PHACTR1: variants seen among roughly 807,000 people sequenced by gnomAD.
PHACTR1 encodes phosphatase and actin regulator 1, also known as RPEL repeat containing 1.
Under a neutral mutation model 69.2 loss-of-function variants are expected in PHACTR1, and 16 were observed. The ratio of observed to expected loss-of-function variants is 0.23; its 90% CI spans 0.16 to 0.35. The LOEUF (loss-of-function observed/expected upper bound fraction) is 0.35. Among genes scored for constraint, PHACTR1 ranks in the 10% least tolerant of loss-of-function variants. The pLI is 1.00. For missense variants in PHACTR1, 510 were observed against 734.7 expected (o/e 0.69, Z 3.54); for synonymous variants, 312 against 284.5 (o/e 1.10, Z -0.97).
chr6:12,960,069 G>A (rs532394606), intron 4 of PHACTR1, among the ~76,000 whole-genome samples: 3 of 152,056 alleles, frequency 2.0e-5, no homozygotes, highest in Non-Finnish European at 4.4e-5. Flanking sequence ...TTTTTAGTTC[G>A]GTTGACTGAG....
intron 7 of PHACTR1, among the ~76,000 whole-genome samples, chr6:13,193,710 T>C (rs1351061519): frequency 6.6e-6 from 1 of 152,008 alleles, no homozygotes; most frequent in Non-Finnish European, 1.5e-5. Flanking sequence ...TTATATGATC[T>C]CAATTTACTT....
chr6:12,802,594 C>A (rs929778803), intron 4 of PHACTR1, among the ~76,000 whole-genome samples: 1 of 152,054 alleles, frequency 6.6e-6, no homozygotes, highest in Non-Finnish European at 1.5e-5. Context: ...TAGGATGTAC[C>A]ATTATTTTCT....
At chr6:13,049,110 A>G (rs551186842) in intron 4 of PHACTR1, among the ~76,000 whole-genome samples, 4 of 152,298 alleles carry the variant, frequency 2.6e-5, no homozygotes, top group African/African-American at 7.2e-5. Flanking sequence ...CCTTTATAAT[A>G]CCCTGTGTTC....
intron 4 of PHACTR1, among the ~76,000 whole-genome samples, chr6:12,945,291 A>G (rs1790555185): frequency 6.6e-6 from 1 of 152,034 alleles, no homozygotes; most frequent in Non-Finnish European, 1.5e-5. Flanking sequence ...CGCTGCCACA[A>G]CTGTCTCTGT....
At chr6:13,237,330 T>G (rs1772145632) in intron 10 of PHACTR1, among the ~76,000 whole-genome samples, 3 of 152,114 alleles carry the variant, frequency 2.0e-5, no homozygotes, top group Non-Finnish European at 4.4e-5. Context: ...TGAGCTATAA[T>G]TGTGCCACTG....
intron 4 of PHACTR1, among the ~76,000 whole-genome samples, chr6:12,916,772 A>G (rs1465411933): frequency 6.6e-6 from 1 of 152,228 alleles, no homozygotes; most frequent in Non-Finnish European, 1.5e-5. Context: ...ATCTTCCAAT[A>G]TGTGCACCCT....
At chr6:12,800,893 G>C (rs1301019077) in intron 4 of PHACTR1, among the ~76,000 whole-genome samples, 1 of 119,544 alleles carries the variant, frequency 8.4e-6, no homozygotes, top group Admixed American at 7.9e-5. Context: ...TGTCTCAAAA[G>C]AAAAAGAAAA....
intron 4 of PHACTR1, among the ~76,000 whole-genome samples, chr6:13,016,904 C>G (rs1055459195): frequency 6.6e-6 from 1 of 152,108 alleles, no homozygotes. Context: ...AACCAAGATG[C>G]GGCTGGGCGC....
At chr6:13,099,251 C>T (rs943122853) in intron 5 of PHACTR1, among the ~76,000 whole-genome samples, 5 of 152,232 alleles carry the variant, frequency 3.3e-5, no homozygotes, top group African/African-American at 1.2e-4. Context: ...TAGTTTCCCT[C>T]GAACTTTTCT....
chr6:12,934,790 C>A (rs1436415987), intron 4 of PHACTR1, among the ~76,000 whole-genome samples: 7 of 151,658 alleles, frequency 4.6e-5, no homozygotes, highest in African/African-American at 1.7e-4. Flanking sequence ...GAGCCAAGAT[C>A]ATGCCACTAC....
At chr6:12,747,028 T>C (rs1351187191) in intron 3 of PHACTR1, among the ~76,000 whole-genome samples, 1 of 152,226 alleles carries the variant, frequency 6.6e-6, no homozygotes, top group Non-Finnish European at 1.5e-5. Flanking sequence ...TTTAAAAGTA[T>C]TAACTTTCAT....
intron 10 of PHACTR1, among the ~76,000 whole-genome samples, chr6:13,271,652 C>A (rs969190596): frequency 6.6e-6 from 1 of 151,816 alleles, no homozygotes; most frequent in Non-Finnish European, 1.5e-5. Flanking sequence ...ATATCTAATA[C>A]AAGATAAATG....
chr6:13,053,729 T>C (rs191611072), intron 5 of PHACTR1, among the ~76,000 whole-genome samples, 200 bp downstream of exon 5: 22 of 152,338 alleles, frequency 1.4e-4, no homozygotes, highest in Non-Finnish European at 3.1e-4. Context: ...TATCTCATGA[T>C]TTTTTGTTTG....
intron 4 of PHACTR1, among the ~76,000 whole-genome samples, chr6:12,875,923 A>AG (rs1424738576): frequency 6.6e-6 from 1 of 152,194 alleles, no homozygotes; most frequent in East Asian, 1.9e-4. Flanking sequence ...AAAACCAGGA[A>AG]GGTCTGCTCC....
chr6:12,755,373 A>C (rs941661431), intron 4 of PHACTR1, among the ~76,000 whole-genome samples: 2 of 152,188 alleles, frequency 1.3e-5, no homozygotes, highest in Non-Finnish European at 2.9e-5. Flanking sequence ...AGGGTTTTAG[A>C]TTTAAAGTCT....
At chr6:13,183,029 A>C (rs1422914477) in intron 7 of PHACTR1, among the ~76,000 whole-genome samples, 1 of 152,198 alleles carries the variant, frequency 6.6e-6, no homozygotes, top group African/African-American at 2.4e-5. Flanking sequence ...CTACATTTCT[A>C]TATGATACCT....
chr6:12,794,011 G>A (rs1446642225), intron 4 of PHACTR1, among the ~76,000 whole-genome samples: 1 of 152,184 alleles, frequency 6.6e-6, no homozygotes, highest in Non-Finnish European at 1.5e-5. Flanking sequence ...TGGGTGCAGA[G>A]TTTAAAGTCA....
rs56195928 is a variant in PHACTR1 at position 13,090,054 on chromosome 6, G to T, written c.415+36525G>T. Among the ~76,000 whole-genome samples, 1,280 of 152,032 alleles carry T rather than the reference G, an allele frequency of 8.4e-3. 11 individuals are homozygous for T. The highest frequency in any genetic ancestry group is 0.026 in the African/African-American group (1,096 of 41,478). ...GCACTGCATTGTTTTGGGTTTTTTT[G>T]TTGTTGTTGTTGTTTTTGAGACGGA... is the stretch of plus-strand genomic sequence containing the variant. On this transcript the variant is annotated intron_variant, in intron 5 of 14. Transcript: ENST00000332995.
intron 4 of PHACTR1, among the ~76,000 whole-genome samples, chr6:12,895,184 T>C (rs865889321): frequency 3.0e-4 from 43 of 144,656 alleles, no homozygotes; most frequent in South Asian, 4.4e-4. Flanking sequence ...TTTCTTTTTT[T>C]TTTTTTTTTT....
Sources: gnomAD v4.1 joint callset for allele counts (sites outside exome capture counted in the v4.1 genomes callset) on GRCh38, gnomAD v4.1.1 for gene constraint, MANE v1.5 for transcripts, NCBI Gene and HGNC (gene_info 2026-07-23, HGNC 2026-07-21) for gene names.